The following FNDC3A variants were observed in gnomAD, a reference collection of about 807,000 sequenced individuals.
FNDC3A encodes the protein fibronectin type III domain containing 3A, also known as fibronectin type-III domain-containing protein 3A.
Under a neutral mutation model 148.9 loss-of-function variants are expected in FNDC3A, and 32 were observed. The ratio of observed to expected loss-of-function variants is 0.21; its 90% CI spans 0.16 to 0.29. The LOEUF is 0.29. Among genes scored for constraint, FNDC3A ranks in the 10% least tolerant of loss-of-function variants. FNDC3A has a pLI of 1.00. For synonymous variants in FNDC3A, 472 were observed against 473.6 expected (o/e 1.00, Z 0.04); for missense variants, 1,191 against 1,452.8 (o/e 0.82, Z 2.93).
intron 8 of FNDC3A, among the ~76,000 whole-genome samples, chr13:49,151,374 G>A (rs1212320164): frequency 2.0e-5 from 3 of 152,092 alleles, no homozygotes; most frequent in African/African-American, 7.2e-5. Context: ...CATAAAGTCT[G>A]TTTTATCTGA....
intron 6 of FNDC3A, among the ~76,000 whole-genome samples, chr13:49,138,192 ATATAT>A (rs1280688510): frequency 6.6e-6 from 1 of 152,154 alleles, no homozygotes; most frequent in Non-Finnish European, 1.5e-5. Flanking sequence ...TTCATGACTT[ATATAT>A]TAACAACATT....
rs369603976 is a variant in FNDC3A at position 49,178,631 on chromosome 13, C to T, written c.1594C>T (p.Arg532Cys). Residue 532 changes from arginine (R) to cysteine (C), a missense_variant, in exon 14 of 26, where the codon CGT (arginine) becomes TGT (cysteine). Physicochemically the swap from Arg to Cys is radical, Grantham distance 180 (BLOSUM62 -3). This residue lies in a region of FNDC3A where 751 missense variants were observed against 944.0 expected (regional missense o/e 0.80). Coordinates refer to ENST00000492622, the MANE Select transcript of FNDC3A (RefSeq NM_001079673.2). The part of the protein sequence containing the change: ...DLAYTVKNLR[R>C]STKYKFKVIA... ...TGCTTACACAGTGAAAAATCTCAGA[C>T]GTAGTACTAAGTATAAATTTAAGGT... The T allele has an allele frequency of 8.3e-6, 13 of 1,569,440 alleles. No individual in the cohort carries two copies. Among genetic ancestry groups the T allele is most frequent in the Non-Finnish European group, 1.0e-5 (12 of 1,155,940 alleles).
At chr13:49,045,187 T>C (rs1593512092) in intron 2 of FNDC3A, among the ~76,000 whole-genome samples, 2 of 145,662 alleles carry the variant, frequency 1.4e-5, no homozygotes, top group South Asian at 2.6e-4. Flanking sequence ...GGAATCTCAC[T>C]CTGTCACTCA....
At chr13:49,013,488 A>C (rs1856496419) in intron 2 of FNDC3A, among the ~76,000 whole-genome samples, 1 of 150,294 alleles carries the variant, frequency 6.7e-6, no homozygotes. Flanking sequence ...GTATACATGT[A>C]TATACATGTA....
chr13:49,188,147 AGAT>A (rs1195183713), intron 16 of FNDC3A, among the ~76,000 whole-genome samples: 2 of 152,242 alleles, frequency 1.3e-5, no homozygotes, highest in Non-Finnish European at 2.9e-5. Flanking sequence ...AAGAAAAAAA[AGAT>A]GTCTTTTAAT....
intron 2 of FNDC3A, among the ~76,000 whole-genome samples, chr13:49,019,483 C>G (rs1166206280): frequency 3.3e-5 from 5 of 152,216 alleles, no homozygotes; most frequent in Non-Finnish European, 5.9e-5. Context: ...CGCGCACCCA[C>G]TGACCTGCGC....
chr13:49,166,765 G>T (rs1372535903), intron 8 of FNDC3A, among the ~76,000 whole-genome samples: 1 of 152,134 alleles, frequency 6.6e-6, no homozygotes, highest in Non-Finnish European at 1.5e-5. Context: ...CATGTTTCCA[G>T]TTTAATTCCA....
chr13:49,120,456 C>T (rs1191438922), intron 4 of FNDC3A, among the ~76,000 whole-genome samples: 1 of 152,116 alleles, frequency 6.6e-6, no homozygotes. Context: ...AACCAGCTAG[C>T]ATCATAATGA....
intron 1 of FNDC3A, among the ~76,000 whole-genome samples, chr13:49,000,065 T>A (rs539238968): frequency 6.6e-6 from 1 of 152,370 alleles, no homozygotes; most frequent in South Asian, 2.1e-4. Flanking sequence ...TGTTTTCTGA[T>A]GCACAAAAGT....
intron 16 of FNDC3A, 119 bp from the exon 17 acceptor site, chr13:49,188,396 T>C (rs1414797517): frequency 1.5e-5 from 10 of 667,184 alleles, no homozygotes; most frequent in Non-Finnish European, 2.7e-5. Context: ...AAACCTAAAT[T>C]GTTTCTGACA....
intron 1 of FNDC3A, among the ~76,000 whole-genome samples, chr13:48,984,582 G>A (rs1471951947): frequency 6.6e-6 from 1 of 152,196 alleles, no homozygotes; most frequent in Non-Finnish European, 1.5e-5. Context: ...TCTATAAAGG[G>A]TGTGGGACAA....
chr13:49,165,183 G>C (rs1452348243), intron 8 of FNDC3A, among the ~76,000 whole-genome samples: 3 of 151,962 alleles, frequency 2.0e-5, no homozygotes, highest in African/African-American at 7.3e-5. Flanking sequence ...GTTTTTGATT[G>C]GAATCTGTTG....
At chr13:49,194,508 T>C (rs1387751386) in intron 19 of FNDC3A, among the ~76,000 whole-genome samples, 3 of 152,232 alleles carry the variant, frequency 2.0e-5, no homozygotes, top group Non-Finnish European at 4.4e-5. Flanking sequence ...GTAAAGCATA[T>C]TCTCTAGCAG....
intron 3 of FNDC3A, among the ~76,000 whole-genome samples, chr13:49,109,936 T>C (rs925002777): frequency 3.3e-5 from 5 of 152,174 alleles, no homozygotes; most frequent in African/African-American, 4.8e-5. Flanking sequence ...AGACTGAATC[T>C]TTTAAATTAA....
intron 1 of FNDC3A, among the ~76,000 whole-genome samples, chr13:48,997,442 AC>A (rs1221088059): frequency 1.3e-5 from 2 of 152,150 alleles, no homozygotes; most frequent in Non-Finnish European, 2.9e-5. Context: ...ATGTTTGTAT[AC>A]CCCTCAAAAT....
chr13:49,153,245 T>A (rs993560388), intron 8 of FNDC3A, among the ~76,000 whole-genome samples: 4 of 151,764 alleles, frequency 2.6e-5, no homozygotes, highest in Non-Finnish European at 4.4e-5. Flanking sequence ...ATTGTGGTTT[T>A]GATTTGCATT....
intron 1 of FNDC3A, among the ~76,000 whole-genome samples, chr13:49,004,731 AAAATTT>A (rs1375448881): frequency 6.6e-6 from 1 of 152,000 alleles, no homozygotes; most frequent in Non-Finnish European, 1.5e-5. Flanking sequence ...ATAAAATGAC[AAAATTT>A]AAATGGCTCA....
At chr13:49,197,512 A>G (rs570619720) in intron 20 of FNDC3A, among the ~76,000 whole-genome samples, 3 of 150,934 alleles carry the variant, frequency 2.0e-5, no homozygotes, top group Non-Finnish European at 4.4e-5. Context: ...TTCTACTTCT[A>G]ATTCAAAACA....
At chr13:49,028,719 A>G (rs1244233861) in intron 2 of FNDC3A, among the ~76,000 whole-genome samples, 1 of 152,248 alleles carries the variant, frequency 6.6e-6, no homozygotes. Context: ...GCCTCTAACC[A>G]TCAAGCTGCC....
Sources: allele counts gnomAD v4.1 joint callset (sites outside exome capture counted in the v4.1 genomes callset), GRCh38; gene constraint gnomAD v4.1.1; regional missense constraint gnomAD v4.1.1; transcripts MANE v1.5; gene names NCBI Gene and HGNC (gene_info 2026-07-23, HGNC 2026-07-21).